PIGN: variants seen among roughly 807,000 people sequenced by gnomAD.
PIGN encodes the protein phosphatidylinositol glycan anchor biosynthesis class N.
Under a neutral mutation model 125.4 loss-of-function variants are expected in PIGN, and 117 were observed. That is an observed-to-expected ratio of 0.93 (90% CI 0.80 to 1.09). PIGN has a LOEUF of 1.09. PIGN is among the 50% of genes least tolerant of loss of function. The probability of loss-of-function intolerance (pLI) is 0.00; values close to 1 mark genes in which losing one functional copy is unlikely to be tolerated. For missense variants in PIGN, 1,075 were observed against 1,094.9 expected (o/e 0.98, Z 0.26); for synonymous variants, 392 against 377.8 (o/e 1.04, Z -0.44).
intron 6 of PIGN, among the ~76,000 whole-genome samples, chr18:62,155,597 T>C (rs1382246087): frequency 6.6e-6 from 1 of 151,906 alleles, no homozygotes; most frequent in Non-Finnish European, 1.5e-5. Flanking sequence ...AAGAGAGATA[T>C]ATAATAAAGT....
At chr18:62,087,704 A>C (rs905652685) in intron 25 of PIGN, among the ~76,000 whole-genome samples, 1 of 152,164 alleles carries the variant, frequency 6.6e-6, no homozygotes, top group Non-Finnish European at 1.5e-5. Flanking sequence ...TAGACTCTGC[A>C]CCATGGTCAG....
At chr18:62,132,231 A>G (rs1327939249) in intron 14 of PIGN, among the ~76,000 whole-genome samples, 1 of 152,238 alleles carries the variant, frequency 6.6e-6, no homozygotes, top group Non-Finnish European at 1.5e-5. Context: ...TTAATGTGAA[A>G]AAAACCCACT....
chr18:62,120,590 C>T lies in PIGN; in HGVS notation c.1173-5951G>A, dbSNP rs144264393. Among the ~76,000 whole-genome samples the T allele has an allele frequency of 7.9e-5, 12 of 151,800 alleles. No homozygotes were observed. In the East Asian group the frequency reaches 2.3e-3, roughly 29 times the overall value. ...TAATTAAAATATATAACAATAACAT[C>T]AAAGGTATGAAAGTTATTTAAAGTT... On this transcript the variant is annotated intron_variant, in intron 14 of 30. Transcript: ENST00000640252.
Position 62,144,882 on chromosome 18 carries a change from C to T in PIGN, c.922+1027G>A, listed in dbSNP as rs141276695. Among the ~76,000 whole-genome samples, 981 of 152,168 alleles carry T rather than the reference C, an allele frequency of 6.4e-3. 2 individuals are homozygous for T. Among genetic ancestry groups the T allele is most frequent in the Non-Finnish European group, 9.5e-3 (648 of 68,000 alleles). ...TTGGGAGGCTGGGGCAGGAAGATTG[C>T]TTGAGCCCAGGAGTTCCAGGCTGTA... On this transcript the variant is annotated intron_variant, in intron 10 of 30. Transcript: ENST00000640252.
At chr18:62,137,821 A>G (rs1351130408) in intron 14 of PIGN, 1 of 156,806 alleles carries the variant, frequency 6.4e-6, no homozygotes, top group Non-Finnish European at 1.4e-5. Flanking sequence ...TAATTAACTG[A>G]TATCTTCAAA....
chr18:62,167,286 ATGTGTGTGTGTGTGTGTGTG>A lies in PIGN; in HGVS notation c.-235-3650_-235-3631del, dbSNP rs61310777. On this transcript the variant is annotated intron_variant, in intron 1 of 30. Transcript: ENST00000640252. Reference sequence around the variant, plus strand: ...TAGATAGAGATATATAGAGATATATATGTGTGTGTGTGTGTGTGTGTGTGTGTGTGTGTGTGTGTGTGTGT... The same window carrying A: ...TAGATAGAGATATATAGAGATATATATGTGTGTGTGTGTGTGTGTGTGTGT... Among the ~76,000 whole-genome samples, 88 of 139,462 alleles carry A rather than the reference ATGTGTGTGTGTGTGTGTGTG, an allele frequency of 6.3e-4. 1 individual carries two copies. The highest frequency in any genetic ancestry group is 2.0e-3 in the Admixed American group (28 of 14,058). 91.5% of individuals were successfully genotyped at this position (139,462 alleles called of 152,430 possible).
chr18:62,165,370 TTC>T (rs2037095706), intron 1 of PIGN, among the ~76,000 whole-genome samples: 2 of 152,200 alleles, frequency 1.3e-5, no homozygotes, highest in African/African-American at 4.8e-5. Context: ...GTTTCAGGTA[TTC>T]TGTTATAGCA....
Position 62,141,548 on chromosome 18 carries a change from T to G in PIGN, c.964-1069A>C, listed in dbSNP as rs557982632. On this transcript the variant is annotated intron_variant, in intron 11 of 30. Coordinates refer to ENST00000640252, the MANE Select transcript of PIGN (RefSeq NM_176787.5). Reference sequence around the variant, plus strand: ...TTCCCAGGCTCTCAGTCTTTCTCACTTTCTACTATTTAGATTGTCATTACC... The same window carrying G: ...TTCCCAGGCTCTCAGTCTTTCTCACGTTCTACTATTTAGATTGTCATTACC... 3.9e-5 allele frequency among the ~76,000 whole-genome samples: 6 copies of G among 152,312 alleles called. No individual in the cohort carries two copies. The South Asian group carries it at 1.2e-3, about 32-fold the overall frequency.
At chr18:62,019,814 C>T (rs2030030376) in intron 23 of PIGN, among the ~76,000 whole-genome samples, 1 of 152,240 alleles carries the variant, frequency 6.6e-6, no homozygotes, top group Admixed American at 6.5e-5. Flanking sequence ...AGTTTTCAGA[C>T]ATTGGGTAAA....
intron 1 of PIGN, among the ~76,000 whole-genome samples, chr18:62,168,066 CCCAA>C: frequency 7.0e-5 from 1 of 14,196 alleles, no homozygotes; most frequent in East Asian, 0.019. Context: ...TGGTGGCGCA[CCCAA>C]CCACTTGGGA....
rs1055831008 is a variant in PIGN, at chr18:62,148,259, A to C, written c.629T>G (p.Leu210Ter). Residue 210 changes from leucine to a stop codon, truncating the protein, a stop_gained, in exon 8 of 31, where the codon TTA (leucine) becomes TGA (stop). Transcript: ENST00000640252. LOFTEE classifies it high-confidence loss of function. Reference protein sequence around the residue: ...NEEKIVFFLHLLGIDTNGHAH... With the variant: ...NEEKIVFFLH ...ATGTCCGTTTGTATCTATTCCTAAT[A>C]AATGTAAGAAAAAAACTATTTTCTC... 6.5e-7 allele frequency: 1 copy of C among 1,538,726 alleles called. No homozygotes were observed. The highest frequency in any genetic ancestry group is 8.8e-7 in the Non-Finnish European group (1 of 1,140,110).
At chr18:62,146,669 C>A (rs576768576) in intron 9 of PIGN, among the ~76,000 whole-genome samples, 1 of 152,292 alleles carries the variant, frequency 6.6e-6, no homozygotes, top group Admixed American at 6.5e-5. Context: ...ATCTTAACGT[C>A]ACTCCCTTTG....
At chr18:62,163,928 C>T (rs1054491507) in intron 1 of PIGN, among the ~76,000 whole-genome samples, 1 of 152,168 alleles carries the variant, frequency 6.6e-6, no homozygotes, top group Non-Finnish European at 1.5e-5. Flanking sequence ...TGAAATTATA[C>T]AGTATTTATT....
intron 30 of PIGN, among the ~76,000 whole-genome samples, chr18:62,063,579 C>G (rs985958318): frequency 8.0e-5 from 12 of 150,568 alleles, no homozygotes; most frequent in African/African-American, 2.9e-4. Context: ...TTACTCATGT[C>G]CATCTGTCTG....
rs762127847 is a variant in PIGN, at chr18:62,106,800, T to C, written c.1756A>G (p.Thr586Ala). 6.2e-7 allele frequency: 1 copy of C among 1,605,048 alleles called. No individual in the cohort carries two copies. Among genetic ancestry groups the C allele is most frequent in the Non-Finnish European group, 8.5e-7 (1 of 1,175,294 alleles). Residue 586 changes from threonine to alanine, a missense_variant, in exon 19 of 31, where the codon ACT (threonine) becomes GCT (alanine). Physicochemically the swap from Thr to Ala is moderately conservative, Grantham distance 58 (BLOSUM62 0). This residue lies in a region of PIGN where 915 missense variants were observed against 908.7 expected (regional missense o/e 1.01). Coordinates refer to ENST00000640252, the MANE Select transcript of PIGN (RefSeq NM_176787.5). ...ATGAGTACTCATACCTTTGCTCGAG[T>C]CCACAGCCGAGTGAGAAATGGCCAA... Reference protein sequence around the residue: ...AAWPFLTRLWTRAKMTSLSWT... With the variant: ...AAWPFLTRLWARAKMTSLSWT...
In PIGN at chr18:62,160,244, T is replaced by C. The variant is rs542140086; in HGVS notation, c.221+889A>G. On this transcript the variant is annotated intron_variant, in intron 4 of 30. Transcript: ENST00000640252. ...CTATTTTAATCTCTCCATAACAGCA[T>C]TACAAGGCCTTTCAGGAGTTGCCAC... Among the ~76,000 whole-genome samples the C allele has an allele frequency of 7.7e-4, 117 of 152,354 alleles. 1 individual carries two copies. The highest frequency in any genetic ancestry group is 6.8e-3 in the Middle Eastern group (2 of 294).
intron 14 of PIGN, chr18:62,136,431 C>T (rs998818370): frequency 1.3e-5 from 2 of 152,244 alleles, no homozygotes; most frequent in East Asian, 1.9e-4. Context: ...TCACTGCAAC[C>T]TCTGCCTCCC....
At position 62,140,447 on chromosome 18, in the gene PIGN, A is replaced by G; in HGVS notation, c.996T>C (p.Ile332=). Residue 332 remains isoleucine, a synonymous_variant, in exon 12 of 31, where the codon ATT becomes ATC. Transcript: ENST00000640252. ...ADIAPLMTSL[I]GVPFPLNSVG... is the part of the protein sequence containing the mutation. The stretch of plus-strand genomic sequence containing the variant: ...CTGAGTTAAGAGGAAAGGGAACTCC[A>G]ATAAGGGAAGTCATCAATGGTGCAA... 1 of 1,555,604 alleles carries G rather than the reference A, an allele frequency of 6.4e-7. No individual in the cohort carries two copies.
In PIGN at chr18:62,045,655, T is replaced by G. The variant is rs1312542056; in HGVS notation, c.*201A>C. The G allele has an allele frequency of 2.1e-6, 1 of 468,100 alleles. No homozygotes were observed. Among genetic ancestry groups the G allele is most frequent in the Non-Finnish European group, 3.8e-6 (1 of 266,638 alleles). The allele number at this position is 468,100 out of a possible 1,614,324, so 29.0% of individuals were successfully genotyped here. On this transcript the variant is annotated 3_prime_UTR_variant, in exon 31 of 31. Coordinates refer to ENST00000640252, the MANE Select transcript of PIGN (RefSeq NM_176787.5). ...TATGCTTTTCCACAGATATAATCACTATTTCATGCCTGCAAAACCTAGAAA... is the reference window on the plus strand; with the variant it reads ...TATGCTTTTCCACAGATATAATCACGATTTCATGCCTGCAAAACCTAGAAA...
Sources: gnomAD v4.1 joint callset for allele counts (sites outside exome capture counted in the v4.1 genomes callset) on GRCh38, gnomAD v4.1.1 for gene constraint, gnomAD v4.1.1 regional missense constraint, MANE v1.5 for transcripts, NCBI Gene and HGNC (gene_info 2026-07-23, HGNC 2026-07-21) for gene names.